Variants in P4HA1 observed in about 807,000 individuals in gnomAD.
P4HA1 encodes prolyl 4-hydroxylase subunit alpha 1.
P4HA1 carries 24 observed loss-of-function variants against 72.8 expected under a neutral mutation model. The observed-to-expected ratio is 0.33, with a 90% CI of 0.24 to 0.46. P4HA1 has a LOEUF of 0.46. P4HA1 is among the 20% of genes least tolerant of loss of function. P4HA1 has a pLI of 1.00. For missense variants in P4HA1, 446 were observed against 640.6 expected, an observed-to-expected ratio of 0.70 and a Z score of 3.28; for synonymous variants, 201 against 218.8, an observed-to-expected ratio of 0.92 and a Z score of 0.72.
rs536039460 is a variant in P4HA1, at chr10:73,057,060, G to GA, written c.464-3471dup. ...GAGTGACAGAGCAAGACGCTGTCTC[G>GA]AAAAAAAAAAAAAAAATAGATTAAA... On this transcript the variant is annotated intron_variant, in intron 5 of 14. Coordinates refer to ENST00000394890, the MANE Select transcript of P4HA1 (RefSeq NM_001017962.3). Among the ~76,000 whole-genome samples, 586 of 91,274 alleles carry GA rather than the reference G, an allele frequency of 6.4e-3. 1 individual carries two copies. The highest frequency in any genetic ancestry group is 7.8e-3 in the African/African-American group (210 of 26,914). 59.9% of individuals were successfully genotyped at this position (91,274 alleles called of 152,430 possible). A position where few individuals can be genotyped will look rare whatever the true frequency, so the allele number is the denominator to read the frequency against.
intron 9 of P4HA1, among the ~76,000 whole-genome samples, chr10:73,041,172 C>T (rs1011908962): frequency 2.0e-5 from 3 of 152,168 alleles, no homozygotes; most frequent in Non-Finnish European, 4.4e-5. Context: ...CACTCAACCC[C>T]AAAATATGGC....
At chr10:73,070,511 T>G (rs1841534619) in intron 4 of P4HA1, among the ~76,000 whole-genome samples, 1 of 152,096 alleles carries the variant, frequency 6.6e-6, no homozygotes, top group Non-Finnish European at 1.5e-5. Flanking sequence ...TTTTATGCTG[T>G]TTTGTCTCTT....
intron 1 of P4HA1, among the ~76,000 whole-genome samples, chr10:73,093,489 A>T (rs532344118): frequency 6.6e-6 from 1 of 152,156 alleles, no homozygotes; most frequent in South Asian, 2.1e-4. Context: ...GAGAAACTGA[A>T]GCTGTCCTAA....
intron 10 of P4HA1, among the ~76,000 whole-genome samples, chr10:73,019,805 A>G (rs191374022): frequency 6.6e-6 from 1 of 151,432 alleles, no homozygotes; most frequent in Non-Finnish European, 1.5e-5. Flanking sequence ...CACTTGATTA[A>G]GCAAAACAAT....
At chr10:73,087,079 G>A (rs1376443703) in intron 1 of P4HA1, among the ~76,000 whole-genome samples, 1 of 151,628 alleles carries the variant, frequency 6.6e-6, no homozygotes, top group Non-Finnish European at 1.5e-5. Context: ...CTCCAAAGTA[G>A]CTACACTATT....
At chr10:73,024,753 TAAA>T (rs955436861) in intron 10 of P4HA1, among the ~76,000 whole-genome samples, 3 of 151,622 alleles carry the variant, frequency 2.0e-5, no homozygotes, top group African/African-American at 7.3e-5. Context: ...GCAAGACTAA[TAAA>T]GAAGAAAAGA....
intron 1 of P4HA1, among the ~76,000 whole-genome samples, chr10:73,093,891 T>TAA (rs1842103569): frequency 1.2e-5 from 1 of 82,810 alleles, no homozygotes; most frequent in African/African-American, 5.2e-5. Context: ...TATATATATA[T>TAA]ATATATATAT....
intron 2 of P4HA1, 37 bp from the exon 3 acceptor site, chr10:73,073,864 T>G: frequency 2.2e-6 from 2 of 910,978 alleles, no homozygotes; most frequent in Non-Finnish European, 3.7e-6. Flanking sequence ...ACTCATATCC[T>G]TCAACACAAG....
At chr10:73,056,961 G>C (rs192872221) in intron 5 of P4HA1, among the ~76,000 whole-genome samples, 107 of 151,594 alleles carry the variant, frequency 7.1e-4, no homozygotes, top group African/African-American at 2.5e-3. Context: ...TCAGGAGGCT[G>C]TGGCAGGAGA....
intron 9 of P4HA1, among the ~76,000 whole-genome samples, 190 bp from the exon 10 acceptor site, chr10:73,030,560 A>G (rs911791032): frequency 7.2e-5 from 11 of 152,092 alleles, no homozygotes; most frequent in Admixed American, 4.6e-4. Flanking sequence ...GTCACATTCT[A>G]CTGTTAGAGG....
At chr10:73,037,536 TATATATATATATATATATATATATA>T (rs1840608155) in intron 9 of P4HA1, among the ~76,000 whole-genome samples, 1 of 17,322 alleles carries the variant, frequency 5.8e-5, no homozygotes. Context: ...TATATATATA[TATATATATATATATATATATATATA>T]TATATATATA....
intron 1 of P4HA1, among the ~76,000 whole-genome samples, chr10:73,093,864 AAAAAAAAAAATATATATATATATATAT>A (rs1433536101): frequency 1.3e-5 from 1 of 75,354 alleles, no homozygotes; most frequent in Non-Finnish European, 2.4e-5. Context: ...AAAAAAAAAA[AAAAAAAAAAATATATATATATATATAT>A]ATATATATAT....
intron 4 of P4HA1, among the ~76,000 whole-genome samples, chr10:73,071,746 T>C (rs1055068151): frequency 2.0e-5 from 3 of 151,974 alleles, no homozygotes; most frequent in Non-Finnish European, 4.4e-5. Context: ...AAGGTAATCC[T>C]AAAATAAAAA....
chr10:73,009,056 ACT>A (rs1839855049), intron 14 of P4HA1, among the ~76,000 whole-genome samples: 1 of 152,026 alleles, frequency 6.6e-6, no homozygotes, highest in Non-Finnish European at 1.5e-5. Flanking sequence ...AGCTTTCTAA[ACT>A]CTCTCTCACC....
chr10:73,080,881 T>C (rs1375357342), intron 1 of P4HA1, among the ~76,000 whole-genome samples: 2 of 152,174 alleles, frequency 1.3e-5, no homozygotes, highest in East Asian at 1.9e-4. Context: ...TGAGCTGAGA[T>C]TGCGCCACTG....
intron 10 of P4HA1, among the ~76,000 whole-genome samples, chr10:73,028,287 A>G: frequency 6.7e-6 from 1 of 150,130 alleles, no homozygotes; most frequent in East Asian, 2.0e-4. Context: ...GTAGGATGGC[A>G]TCAAACCGTG....
intron 9 of P4HA1, among the ~76,000 whole-genome samples, chr10:73,038,014 G>C (rs1200586472): frequency 2.0e-5 from 3 of 152,072 alleles, no homozygotes; most frequent in Non-Finnish European, 4.4e-5. Context: ...CCAGCACTTT[G>C]GGAGGCCAAG....
intron 9 of P4HA1, among the ~76,000 whole-genome samples, chr10:73,043,153 AATCATT>A (rs1219661287): frequency 6.6e-6 from 1 of 152,002 alleles, no homozygotes; most frequent in Non-Finnish European, 1.5e-5. Context: ...ATGACTAAAC[AATCATT>A]ATCAAGTATA....
intron 9 of P4HA1, among the ~76,000 whole-genome samples, chr10:73,037,538 TA>T (rs1564624772): frequency 1.0e-4 from 2 of 19,054 alleles, no homozygotes; most frequent in Middle Eastern, 0.011. Context: ...TATATATATA[TA>T]TATATATATA....
Sources: gnomAD v4.1 joint callset for allele counts (sites outside exome capture counted in the v4.1 genomes callset) on GRCh38, gnomAD v4.1.1 for gene constraint, MANE v1.5 for transcripts, NCBI Gene and HGNC (gene_info 2026-07-23, HGNC 2026-07-21) for gene names.